The following AUH variants were observed in gnomAD, a reference collection of about 807,000 sequenced individuals.
AUH encodes the protein methylglutaconyl-CoA hydratase, mitochondrial.
AUH carries 29 observed loss-of-function variants against 42.3 expected under a neutral mutation model. That is an observed-to-expected ratio of 0.69 (90% CI 0.51 to 0.93). AUH has a LOEUF of 0.93. AUH is among the 40% of genes least tolerant of loss of function. The pLI is 0.00. For missense variants in AUH, 452 were observed against 438.1 expected (o/e 1.03, Z -0.28); for synonymous variants, 174 against 166.4 (o/e 1.05, Z -0.35).
chr9:91,229,752 T>G (rs1275297325), intron 6 of AUH, among the ~76,000 whole-genome samples: 1 of 151,666 alleles, frequency 6.6e-6, no homozygotes, highest in Non-Finnish European at 1.5e-5. Context: ...GCAGGCCTGG[T>G]GGTGACAAAA....
At chr9:91,304,238 C>T (rs986159469) in intron 4 of AUH, among the ~76,000 whole-genome samples, 5 of 152,178 alleles carry the variant, frequency 3.3e-5, no homozygotes, top group Non-Finnish European at 7.3e-5. Flanking sequence ...TTCCCTCTCA[C>T]ATGCTTTTTT....
chr9:91,242,664 G>A (rs1400549857), intron 6 of AUH, among the ~76,000 whole-genome samples: 1 of 152,176 alleles, frequency 6.6e-6, no homozygotes, highest in African/African-American at 2.4e-5. Context: ...ACAATAAAGA[G>A]TGAACACTCC....
chr9:91,305,313 G>A (rs754682844), intron 4 of AUH, among the ~76,000 whole-genome samples: 33 of 152,002 alleles, frequency 2.2e-4, no homozygotes, highest in Non-Finnish European at 4.3e-4. Context: ...TTACTAACAC[G>A]ACCCAAGCCA....
At chr9:91,307,223 TTATTTTATGTCATTACACCTCAA>T in intron 4 of AUH, among the ~76,000 whole-genome samples, 1 of 152,170 alleles carries the variant, frequency 6.6e-6, no homozygotes, top group Non-Finnish European at 1.5e-5. Context: ...TATGGGCAAT[TTATTTTATGTCATTACACCTCAA>T]TAAAGCTATT....
chr9:91,332,633 G>C (rs1355751456), intron 3 of AUH, among the ~76,000 whole-genome samples: 1 of 152,192 alleles, frequency 6.6e-6, no homozygotes, highest in African/African-American at 2.4e-5. Context: ...CTGACAGGCT[G>C]GGGAGCACAG....
intron 1 of AUH, chr9:91,357,556 A>G: frequency 1.1e-6 from 1 of 892,534 alleles, no homozygotes; most frequent in Non-Finnish European, 1.3e-6. Flanking sequence ...GAAATCATTA[A>G]TAATCATAAA....
intron 6 of AUH, among the ~76,000 whole-genome samples, chr9:91,246,024 T>A (rs1275092261): frequency 6.6e-6 from 1 of 152,148 alleles, no homozygotes; most frequent in Non-Finnish European, 1.5e-5. Flanking sequence ...GCAAAGGGTG[T>A]GTCTCACAGG....
At chr9:91,268,675 C>G (rs1824856258) in intron 6 of AUH, among the ~76,000 whole-genome samples, 1 of 152,134 alleles carries the variant, frequency 6.6e-6, no homozygotes, top group Non-Finnish European at 1.5e-5. Context: ...GGCAATCTAC[C>G]TCCCTCAGCC....
intron 6 of AUH, among the ~76,000 whole-genome samples, chr9:91,281,950 G>A (rs1407272455): frequency 6.6e-6 from 1 of 152,066 alleles, no homozygotes; most frequent in African/African-American, 2.4e-5. Flanking sequence ...AAATATCTAA[G>A]AGCATGTCAC....
intron 6 of AUH, among the ~76,000 whole-genome samples, chr9:91,282,424 G>A (rs1244723010): frequency 1.3e-5 from 2 of 151,952 alleles, no homozygotes; most frequent in Non-Finnish European, 2.9e-5. Context: ...GAAGGTAACT[G>A]CTTGGTGGCA....
chr9:91,332,630 G>T (rs1416209861), intron 3 of AUH, among the ~76,000 whole-genome samples: 1 of 152,196 alleles, frequency 6.6e-6, no homozygotes, highest in Non-Finnish European at 1.5e-5. Context: ...ATACTGACAG[G>T]CTGGGGAGCA....
intron 6 of AUH, among the ~76,000 whole-genome samples, chr9:91,292,882 C>T (rs1827023150): frequency 6.6e-6 from 1 of 152,124 alleles, no homozygotes; most frequent in Non-Finnish European, 1.5e-5. Context: ...TCAAGCAAGT[C>T]TATTGGCACC....
intron 3 of AUH, among the ~76,000 whole-genome samples, chr9:91,343,788 G>A (rs1831283622): frequency 6.6e-6 from 1 of 152,060 alleles, no homozygotes. Context: ...GTAGTAAAAG[G>A]ATAAGGAATA....
chr9:91,324,520 TA>T (rs200031880), intron 4 of AUH, among the ~76,000 whole-genome samples: 58 of 63,000 alleles, frequency 9.2e-4, no homozygotes, highest in Non-Finnish European at 1.4e-3. Context: ...AATCAAAAAT[TA>T]AAAAAAAAAA....
chr9:91,276,588 G>T (rs1005365669), intron 6 of AUH, among the ~76,000 whole-genome samples: 2 of 151,816 alleles, frequency 1.3e-5, no homozygotes, highest in African/African-American at 2.4e-5. Flanking sequence ...TTATTTTTTC[G>T]AAACTCAACA....
intron 6 of AUH, among the ~76,000 whole-genome samples, chr9:91,275,016 G>C (rs1455285842): frequency 6.6e-6 from 1 of 152,156 alleles, no homozygotes; most frequent in African/African-American, 2.4e-5. Flanking sequence ...AGAGAAAAAA[G>C]GACATCCATT....
intron 3 of AUH, among the ~76,000 whole-genome samples, chr9:91,345,865 C>G (rs183719855): frequency 6.6e-6 from 1 of 151,014 alleles, no homozygotes; most frequent in East Asian, 1.9e-4. Flanking sequence ...CCAGAGAACC[C>G]TGACATAACT....
chr9:91,248,079 C>T (rs1828896618), intron 6 of AUH, among the ~76,000 whole-genome samples: 2 of 152,118 alleles, frequency 1.3e-5, no homozygotes, highest in African/African-American at 4.8e-5. Context: ...ATCTAAGAAA[C>T]CTTAGATTTC....
intron 6 of AUH, among the ~76,000 whole-genome samples, chr9:91,225,102 G>A (rs566047889): frequency 4.6e-5 from 7 of 152,174 alleles, no homozygotes; most frequent in South Asian, 4.1e-4. Flanking sequence ...TTATGAACAC[G>A]CATTTTCTAT....
Sources: gnomAD v4.1 joint callset for allele counts (sites outside exome capture counted in the v4.1 genomes callset) on GRCh38, gnomAD v4.1.1 for gene constraint, MANE v1.5 for transcripts, NCBI Gene and HGNC (gene_info 2026-07-23, HGNC 2026-07-21) for gene names.